Variants in PCDHGA4 observed in about 807,000 individuals in gnomAD.
PCDHGA4 encodes protocadherin gamma subfamily A, 4, also known as protocadherin gamma-A4.
A neutral mutation model predicts 54.6 loss-of-function variants in PCDHGA4; 38 were observed. The ratio of observed to expected loss-of-function variants is 0.70; its 90% CI spans 0.54 to 0.91. PCDHGA4 has a LOEUF of 0.91. Ranked by LOEUF, PCDHGA4 falls within the 40% of genes least tolerant of loss-of-function variation. The pLI, the probability that PCDHGA4 is intolerant of heterozygous loss-of-function variation, is 0.00. For synonymous variants in PCDHGA4, 511 were observed against 512.9 expected, an observed-to-expected ratio of 1.00 and a Z score of 0.05; for missense variants, 1,298 against 1,220.9, an observed-to-expected ratio of 1.06 and a Z score of -0.94.
chr5:141,418,810 A>G lies in PCDHGA4; in HGVS notation c.2514+61189A>G, dbSNP rs149866479. The G allele has an allele frequency of 4.9e-3, 7,975 of 1,613,892 alleles. 44 individuals carry two copies. Among genetic ancestry groups the G allele is most frequent in the Admixed American group, 9.4e-3 (567 of 60,018 alleles). On this transcript the variant is annotated intron_variant, in intron 1 of 3. Coordinates refer to ENST00000571252, the MANE Select transcript of PCDHGA4 (RefSeq NM_018917.4). ...TTGAAGAAGTAGAAAGATATACGAT[A>G]AACATAGAAGCAAAAGACCGAGGAT...
intron 1 of PCDHGA4, among the ~76,000 whole-genome samples, chr5:141,488,870 G>T (rs2099680071): frequency 6.6e-6 from 1 of 152,224 alleles, no homozygotes; most frequent in African/African-American, 2.4e-5. Context: ...TGAGTGGGGA[G>T]GTAGGAAGCT....
At chr5:141,409,181 C>T (rs1280456560) in intron 1 of PCDHGA4, 2 of 1,613,992 alleles carry the variant, frequency 1.2e-6, no homozygotes, top group Non-Finnish European at 1.7e-6. Flanking sequence ...CGGAGGTGGT[C>T]TCTCTACCCA....
At chr5:141,414,300 G>T in intron 1 of PCDHGA4, 7 of 1,613,560 alleles carry the variant, frequency 4.3e-6, no homozygotes, top group Non-Finnish European at 5.9e-6. Context: ...TTTTAAATGT[G>T]CATGATTTAG....
chr5:141,459,315 T>A (rs2154566534), intron 1 of PCDHGA4, among the ~76,000 whole-genome samples: 1 of 152,362 alleles, frequency 6.6e-6, no homozygotes, highest in Non-Finnish European at 1.5e-5. Flanking sequence ...CTATTTTGTA[T>A]CCATCTTCTT....
intron 1 of PCDHGA4, chr5:141,418,604 G>C: frequency 6.2e-7 from 1 of 1,614,040 alleles, no homozygotes; most frequent in African/African-American, 1.3e-5. Context: ...CGTGTACAGG[G>C]TTAGCCTTCG....
At chr5:141,413,956 G>C in intron 1 of PCDHGA4, 11 of 1,613,484 alleles carry the variant, frequency 6.8e-6, no homozygotes, top group Non-Finnish European at 9.3e-6. Context: ...GAATTTGCCT[G>C]TGGGCACTCA....
intron 1 of PCDHGA4, chr5:141,440,531 C>G (rs931337116): frequency 6.6e-6 from 1 of 152,272 alleles, no homozygotes; most frequent in Middle Eastern, 3.4e-3. Flanking sequence ...GAATCATGCA[C>G]CACGGTTCAG....
intron 1 of PCDHGA4, among the ~76,000 whole-genome samples, chr5:141,455,998 T>C (rs1301217416): frequency 2.6e-5 from 4 of 151,692 alleles, no homozygotes; most frequent in Non-Finnish European, 4.4e-5. Flanking sequence ...CTCGGGTTCA[T>C]GCCATTCTCC....
chr5:141,404,680 G>A (rs2094553624), intron 1 of PCDHGA4: 2 of 1,614,042 alleles, frequency 1.2e-6, no homozygotes, highest in Non-Finnish European at 1.7e-6. Context: ...CTGGTGTGGA[G>A]CTGGCACCCC....
intron 1 of PCDHGA4, chr5:141,366,073 C>T (rs766163319): frequency 3.7e-6 from 6 of 1,614,234 alleles, no homozygotes; most frequent in Non-Finnish European, 5.1e-6. Flanking sequence ...CGCCTCGCTC[C>T]GCAGAACCTG....
chr5:141,459,162 T>A (rs1408033955), intron 1 of PCDHGA4, among the ~76,000 whole-genome samples: 3 of 152,224 alleles, frequency 2.0e-5, no homozygotes, highest in African/African-American at 7.2e-5. Context: ...AACATTTCTA[T>A]AACCTTCAAA....
rs576983336 is a variant in PCDHGA4, at chr5:141,489,165, G to A, written c.2515-5642G>A. 5.8e-4 allele frequency: 625 copies of A among 1,082,080 alleles called. 8 individuals are homozygous for A. The South Asian group carries it at 7.9e-3, about 14-fold the overall frequency. The allele number at this position is 1,082,080 out of a possible 1,614,324, so 67.0% of individuals were successfully genotyped here. On this transcript the variant is annotated intron_variant, in intron 1 of 3. Transcript: ENST00000571252. The surrounding 1 kb of genome is among the most constrained non-coding windows in gnomAD (Gnocchi z 4.5). ...GAAGGAGACATAAGAGACTTCAGCT[G>A]CTGCATTCCAAGCCCTGGGTCTACC...
chr5:141,446,408 C>A (rs1211716327), intron 1 of PCDHGA4, among the ~76,000 whole-genome samples: 1 of 151,898 alleles, frequency 6.6e-6, no homozygotes, highest in African/African-American at 2.4e-5. Flanking sequence ...GAGTTGAGTT[C>A]CAGCCATGTT....
chr5:141,364,961 C>T, intron 1 of PCDHGA4: 1 of 1,613,964 alleles, frequency 6.2e-7, no homozygotes, highest in Non-Finnish European at 8.5e-7. Flanking sequence ...TCACGACCTC[C>T]TCCTCACAGC....
chr5:141,425,523 T>C (rs1260519939), intron 1 of PCDHGA4, among the ~76,000 whole-genome samples: 1 of 152,248 alleles, frequency 6.6e-6, no homozygotes, highest in Admixed American at 6.5e-5. Flanking sequence ...TGATGAAACA[T>C]GAAACAATAA....
intron 1 of PCDHGA4, chr5:141,366,141 T>A: frequency 6.2e-7 from 1 of 1,614,170 alleles, no homozygotes; most frequent in Non-Finnish European, 8.5e-7. Flanking sequence ...AACGCCTGGC[T>A]GTCCTACCGC....
At chr5:141,416,993 C>T (rs1230909560) in intron 1 of PCDHGA4, 1 of 151,494 alleles carries the variant, frequency 6.6e-6, no homozygotes, top group Non-Finnish European at 1.5e-5. Context: ...ATTGTGCATT[C>T]ATCTCAAATA....
At chr5:141,380,434 T>A (rs919623948) in intron 1 of PCDHGA4, among the ~76,000 whole-genome samples, 38 of 152,208 alleles carry the variant, frequency 2.5e-4, no homozygotes, top group African/African-American at 8.7e-4. Flanking sequence ...AGACTTTACA[T>A]AGAATTCTTT....
At chr5:141,463,438 C>CTTTTTT (rs71576115) in intron 1 of PCDHGA4, among the ~76,000 whole-genome samples, 4 of 103,256 alleles carry the variant, frequency 3.9e-5, no homozygotes, top group African/African-American at 1.3e-4. Context: ...TTTCCTTCTC[C>CTTTTTT]TTTTTTTTTT....
Sources: allele counts gnomAD v4.1 joint callset (sites outside exome capture counted in the v4.1 genomes callset), GRCh38; gene constraint gnomAD v4.1.1; non-coding constraint Gnocchi (gnomAD v3.1); transcripts MANE v1.5; gene names NCBI Gene and HGNC (gene_info 2026-07-23, HGNC 2026-07-21).